The following AKAP19 variants were observed in gnomAD, a reference collection of about 807,000 sequenced individuals.
AKAP19 encodes the protein A-kinase anchoring protein 19.
chr2:190,112,362 C>G, the AKAP19 span, among the ~76,000 whole-genome samples: 1 of 152,072 alleles, frequency 6.6e-6, no homozygotes, highest in African/African-American at 2.4e-5. Flanking sequence ...ATATGTTGAT[C>G]TCATATTTAC....
the AKAP19 span, among the ~76,000 whole-genome samples, chr2:189,915,867 T>A: frequency 6.6e-6 from 1 of 152,176 alleles, no homozygotes; most frequent in Non-Finnish European, 1.5e-5. Flanking sequence ...TAACAGATTT[T>A]AAAATGAAAA....
chr2:189,936,854 A>G, the AKAP19 span, among the ~76,000 whole-genome samples: 1 of 152,210 alleles, frequency 6.6e-6, no homozygotes, highest in Non-Finnish European at 1.5e-5. Flanking sequence ...GCCACGCACA[A>G]TGCCTAATGC....
the AKAP19 span, among the ~76,000 whole-genome samples, chr2:189,920,006 A>G: frequency 1.3e-5 from 2 of 152,180 alleles, no homozygotes; most frequent in South Asian, 2.1e-4. Context: ...ACAATAGTCT[A>G]TCTTCCATGT....
the AKAP19 span, among the ~76,000 whole-genome samples, chr2:189,998,125 TG>T: frequency 6.6e-6 from 1 of 152,242 alleles, no homozygotes; most frequent in Non-Finnish European, 1.5e-5. Flanking sequence ...TTTCATACTT[TG>T]GAAAGTCACA....
At chr2:190,083,931 G>C in the AKAP19 span, among the ~76,000 whole-genome samples, 1 of 152,158 alleles carries the variant, frequency 6.6e-6, no homozygotes, top group East Asian at 1.9e-4. Context: ...TACGGATCTT[G>C]ACTTCAAGCC....
chr2:190,183,878 TG>T, the AKAP19 span, among the ~76,000 whole-genome samples: 1 of 151,938 alleles, frequency 6.6e-6, no homozygotes, highest in Non-Finnish European at 1.5e-5. Flanking sequence ...GAAAATCATT[TG>T]CTTTTAAGGG....
At chr2:189,912,528 G>A in the AKAP19 span, among the ~76,000 whole-genome samples, 4 of 152,122 alleles carry the variant, frequency 2.6e-5, no homozygotes, top group African/African-American at 4.8e-5. Context: ...GCAACAGAGC[G>A]AAACTCTTGT....
chr2:190,030,022 C>T, the AKAP19 span, among the ~76,000 whole-genome samples: 1 of 152,112 alleles, frequency 6.6e-6, no homozygotes, highest in African/African-American at 2.4e-5. Flanking sequence ...AAGACAGAGC[C>T]TATTTACCCT....
chr2:190,168,091 T>G, the AKAP19 span, among the ~76,000 whole-genome samples: 39 of 152,172 alleles, frequency 2.6e-4, no homozygotes, highest in Non-Finnish European at 8.8e-5. Context: ...TTCAGGTGTT[T>G]CCATTATATC....
At chr2:190,106,001 A>C in the AKAP19 span, among the ~76,000 whole-genome samples, 3 of 152,266 alleles carry the variant, frequency 2.0e-5, no homozygotes, top group Non-Finnish European at 4.4e-5. Context: ...CAAGGCACTA[A>C]TGCAAGAAGC....
At chr2:190,200,128 A>G in the AKAP19 span, 1 of 1,613,922 alleles carries the variant, frequency 6.2e-7, no homozygotes, top group Non-Finnish European at 8.5e-7. Context: ...CATTCCATAC[A>G]TTGAGAGTGA....
At chr2:190,091,811 T>A in the AKAP19 span, among the ~76,000 whole-genome samples, 1 of 152,128 alleles carries the variant, frequency 6.6e-6, no homozygotes. Flanking sequence ...ATACTTGAAA[T>A]AATATGATTA....
the AKAP19 span, among the ~76,000 whole-genome samples, chr2:189,893,989 T>C: frequency 6.6e-6 from 1 of 152,164 alleles, no homozygotes; most frequent in African/African-American, 2.4e-5. Context: ...AATTTGCATC[T>C]ATCTGCATAC....
chr2:190,189,670 C>A, the AKAP19 span: 1 of 151,924 alleles, frequency 6.6e-6, no homozygotes, highest in South Asian at 2.1e-4. Flanking sequence ...ATATCCCTCT[C>A]TCTACTCTAC....
At chr2:189,984,401 A>G in the AKAP19 span, among the ~76,000 whole-genome samples, 1 of 152,314 alleles carries the variant, frequency 6.6e-6, no homozygotes, top group East Asian at 1.9e-4. Context: ...GAAGAGAAAT[A>G]TGGCTCTGTT....
At chr2:189,940,403 G>A in the AKAP19 span, among the ~76,000 whole-genome samples, 198 of 151,834 alleles carry the variant, frequency 1.3e-3, no homozygotes, top group African/African-American at 4.3e-3. Context: ...CTGAGATTGC[G>A]CCATTGCACT....
chr2:190,058,748 A>C, the AKAP19 span, among the ~76,000 whole-genome samples: 1 of 151,996 alleles, frequency 6.6e-6, no homozygotes, highest in Non-Finnish European at 1.5e-5. Context: ...GGGAATGGAA[A>C]ACCAAATACC....
At chr2:189,907,496 G>T in the AKAP19 span, among the ~76,000 whole-genome samples, 3 of 152,010 alleles carry the variant, frequency 2.0e-5, no homozygotes, top group Non-Finnish European at 4.4e-5. Context: ...GTAAAAAAAT[G>T]CATCATTCTA....
chr2:189,880,797 C>T, the AKAP19 span, among the ~76,000 whole-genome samples: 3 of 152,032 alleles, frequency 2.0e-5, no homozygotes, highest in Admixed American at 1.3e-4. Context: ...CATTTGGGGA[C>T]CCCAAATGTT....
Sources: allele counts gnomAD v4.1 joint callset (sites outside exome capture counted in the v4.1 genomes callset), GRCh38; gene constraint gnomAD v4.1.1; transcripts MANE v1.5; gene names NCBI Gene and HGNC (gene_info 2026-07-23, HGNC 2026-07-21).